Variants in OTUD7A observed in about 807,000 individuals in gnomAD.
OTUD7A encodes the protein OTU deubiquitinase 7A.
Under a neutral mutation model 65.7 loss-of-function variants are expected in OTUD7A, and 12 were observed. The ratio of observed to expected loss-of-function variants is 0.18; its 90% CI spans 0.12 to 0.30. The LOEUF is 0.30. Among genes scored for constraint, OTUD7A ranks in the 10% least tolerant of loss-of-function variants. OTUD7A has a pLI of 1.00. For missense variants in OTUD7A, 1,148 were observed against 1,304.8 expected, an observed-to-expected ratio of 0.88 and a Z score of 1.85; for synonymous variants, 641 against 586.3, an observed-to-expected ratio of 1.09 and a Z score of -1.35.
At chr15:31,609,241 G>A (rs1595652221) in intron 3 of OTUD7A, among the ~76,000 whole-genome samples, 1 of 152,336 alleles carries the variant, frequency 6.6e-6, no homozygotes, top group African/African-American at 2.4e-5. Context: ...AGGGGAAGGC[G>A]CGAATCTGAC....
intron 1 of OTUD7A, among the ~76,000 whole-genome samples, chr15:31,849,228 G>C (rs1408595655): frequency 6.6e-6 from 1 of 152,154 alleles, no homozygotes; most frequent in Non-Finnish European, 1.5e-5. Context: ...GAACAGAACA[G>C]AGCCCTCAGA....
chr15:31,638,950 C>T (rs552358251), intron 3 of OTUD7A, among the ~76,000 whole-genome samples: 21 of 152,146 alleles, frequency 1.4e-4, no homozygotes, highest in East Asian at 1.2e-3. Flanking sequence ...CCGGCTAACA[C>T]GGTGAAACCC....
chr15:31,804,943 C>CA (rs1896230065), intron 1 of OTUD7A, among the ~76,000 whole-genome samples: 1 of 152,190 alleles, frequency 6.6e-6, no homozygotes, highest in Non-Finnish European at 1.5e-5. Flanking sequence ...GGGTACAGCA[C>CA]ATAATAACAT....
At chr15:31,528,344 C>T (rs1055179711) in intron 6 of OTUD7A, among the ~76,000 whole-genome samples, 1 of 151,984 alleles carries the variant, frequency 6.6e-6, no homozygotes, top group African/African-American at 2.4e-5. Context: ...CCAGAGGGGG[C>T]AGTACTTGAG....
rs944351776 is a variant in OTUD7A at position 31,476,780 on chromosome 15, T to A, written c.*6514A>T. 1 of 152,244 alleles carries A rather than the reference T, an allele frequency of 6.6e-6. No individual in the cohort carries two copies. The highest frequency in any genetic ancestry group is 1.5e-5 in the Non-Finnish European group (1 of 68,044). 9.4% of individuals were successfully genotyped at this position (152,244 alleles called of 1,614,324 possible). On this transcript the variant is annotated 3_prime_UTR_variant, in exon 13 of 13. Coordinates refer to ENST00000307050, the MANE Select transcript of OTUD7A (RefSeq NM_001382637.1). Reference sequence around the variant, plus strand: ...GACAAAGCCTTTAACCAGGCCACAGTAGGACAAAAGTCCCATAAGAAGCTT... The same window carrying A: ...GACAAAGCCTTTAACCAGGCCACAGAAGGACAAAAGTCCCATAAGAAGCTT...
intron 1 of OTUD7A, among the ~76,000 whole-genome samples, chr15:31,786,643 G>A (rs1895681752): frequency 1.3e-5 from 2 of 152,124 alleles, no homozygotes; most frequent in African/African-American, 2.4e-5. Flanking sequence ...TCATTGTTAC[G>A]TGAGATGCCT....
chr15:31,495,716 G>C (rs576890209), intron 10 of OTUD7A, among the ~76,000 whole-genome samples: 41 of 152,322 alleles, frequency 2.7e-4, no homozygotes, highest in African/African-American at 9.9e-4. Flanking sequence ...AAGTAGCCAA[G>C]AGAAGGGAGA....
At chr15:31,759,547 T>C (rs1417288786) in intron 1 of OTUD7A, among the ~76,000 whole-genome samples, 10 of 152,216 alleles carry the variant, frequency 6.6e-5, no homozygotes. Flanking sequence ...TGCCTTTTCG[T>C]TTTTGAGATG....
At chr15:31,544,835 G>A (rs1215474697) in intron 5 of OTUD7A, among the ~76,000 whole-genome samples, 1 of 151,584 alleles carries the variant, frequency 6.6e-6, no homozygotes, top group Non-Finnish European at 1.5e-5. Context: ...TACCTAAGAA[G>A]GACAGAATTC....
intron 1 of OTUD7A, chr15:31,787,516 T>A (rs1895705747): frequency 1.3e-5 from 2 of 151,290 alleles, no homozygotes; most frequent in African/African-American, 2.4e-5. Flanking sequence ...CATCAGAGAG[T>A]TCATAGTGGA....
intron 1 of OTUD7A, among the ~76,000 whole-genome samples, chr15:31,817,539 A>G (rs1896581907): frequency 6.6e-6 from 1 of 152,116 alleles, no homozygotes; most frequent in East Asian, 1.9e-4. Context: ...TCCTTTGCTG[A>G]TCTTTGAAAA....
chr15:31,607,614 C>A (rs1470436722), intron 3 of OTUD7A, among the ~76,000 whole-genome samples: 1 of 152,178 alleles, frequency 6.6e-6, no homozygotes, highest in African/African-American at 2.4e-5. Context: ...TGAAAAATTC[C>A]TATTGCCTAG....
At chr15:31,671,891 G>C (rs779832478) in intron 1 of OTUD7A, among the ~76,000 whole-genome samples, 21 of 152,056 alleles carry the variant, frequency 1.4e-4, no homozygotes, top group Non-Finnish European at 1.9e-4. Context: ...GGACCTGCTA[G>C]GTAGTATTTT....
At chr15:31,821,852 T>C (rs12912595) in intron 1 of OTUD7A, among the ~76,000 whole-genome samples, 91,678 of 152,024 alleles carry the variant, frequency 0.6, 27,851 homozygotes, top group East Asian at 0.69. Flanking sequence ...GTTTTTGTGT[T>C]GTAATGACTG....
intron 1 of OTUD7A, among the ~76,000 whole-genome samples, chr15:31,864,869 A>T (rs753255473): frequency 9.9e-5 from 15 of 152,236 alleles, no homozygotes; most frequent in Admixed American, 2.6e-4. Context: ...GTCAAAGGAT[A>T]GAAACTGGGC....
At chr15:31,762,580 T>C (rs371062364) in intron 1 of OTUD7A, among the ~76,000 whole-genome samples, 1 of 152,208 alleles carries the variant, frequency 6.6e-6, no homozygotes, top group African/African-American at 2.4e-5. Flanking sequence ...GCTTTGATTA[T>C]AGAACTATAG....
At position 31,728,342 on chromosome 15, in the gene OTUD7A, G is replaced by A. The variant is rs144012054; in HGVS notation, c.-99-71265C>T. On this transcript the variant is annotated intron_variant, in intron 1 of 12. Coordinates refer to ENST00000307050, the MANE Select transcript of OTUD7A (RefSeq NM_001382637.1). The stretch of plus-strand genomic sequence containing the variant: ...CACTTCCACCATCTGCCCCAGCACA[G>A]AGCAGCTGAGATGGCCCCTCATTCC... Among the ~76,000 whole-genome samples the A allele has an allele frequency of 6.2e-3, 943 of 152,286 alleles. 7 individuals carry two copies. The highest frequency in any genetic ancestry group is 0.013 in the South Asian group (62 of 4,828).
At chr15:31,521,690 C>A (rs149883536) in intron 8 of OTUD7A, among the ~76,000 whole-genome samples, 1 of 151,996 alleles carries the variant, frequency 6.6e-6, no homozygotes, top group East Asian at 1.9e-4. Flanking sequence ...TAGCTACTTC[C>A]GAAAAAAGCT....
intron 1 of OTUD7A, among the ~76,000 whole-genome samples, chr15:31,814,207 C>T (rs1175466422): frequency 6.6e-6 from 1 of 152,272 alleles, no homozygotes; most frequent in Admixed American, 6.5e-5. Context: ...CACCCAACCA[C>T]TGGCATCGGC....
Sources: gnomAD v4.1 joint callset for allele counts (sites outside exome capture counted in the v4.1 genomes callset) on GRCh38, gnomAD v4.1.1 for gene constraint, MANE v1.5 for transcripts, NCBI Gene and HGNC (gene_info 2026-07-23, HGNC 2026-07-21) for gene names.